CDC42BPA: variants seen among roughly 807,000 people sequenced by gnomAD.
The protein encoded by CDC42BPA is serine/threonine-protein kinase MRCK alpha.
CDC42BPA carries 80 observed loss-of-function variants against 223.5 expected under a neutral mutation model. That is an observed-to-expected ratio of 0.36 (90% confidence interval 0.30 to 0.43). The LOEUF is 0.43. CDC42BPA is among the 20% of genes least tolerant of loss of function. The pLI is 1.00. For missense variants in CDC42BPA, 1,743 were observed against 2,099.9 expected, an observed-to-expected ratio of 0.83 and a Z score of 3.32; for synonymous variants, 694 against 718.6, an observed-to-expected ratio of 0.97 and a Z score of 0.55.
At chr1:227,159,522 G>A (rs1264719549) in intron 6 of CDC42BPA, among the ~76,000 whole-genome samples, 1 of 151,810 alleles carries the variant, frequency 6.6e-6, no homozygotes, top group Non-Finnish European at 1.5e-5. Flanking sequence ...AAAATTACTG[G>A]TCTAGAGTAA....
intron 1 of CDC42BPA, among the ~76,000 whole-genome samples, chr1:227,308,528 A>AAAAC (rs1553445052): frequency 6.8e-6 from 1 of 146,226 alleles, no homozygotes; most frequent in Non-Finnish European, 1.5e-5. Context: ...AAAAAAAAAA[A>AAAAC]CAGAATGGGA....
intron 8 of CDC42BPA, among the ~76,000 whole-genome samples, chr1:227,144,696 G>T (rs1031546743): frequency 6.6e-6 from 1 of 151,660 alleles, no homozygotes; most frequent in Non-Finnish European, 1.5e-5. Flanking sequence ...TATAGCAGAG[G>T]TCAATATACT....
chr1:226,997,060 G>T lies in CDC42BPA; in HGVS notation c.4976-2080C>A, dbSNP rs1486608124. On this transcript the variant is annotated intron_variant, in intron 35 of 36. Coordinates refer to ENST00000366766, the MANE Select transcript of CDC42BPA (RefSeq NM_001394014.1). The stretch of plus-strand genomic sequence containing the variant: ...TCAGCTCCTCTTTGTACCTCTGGTA[G>T]AATTCGGCTGTGAATCTGCCTGGTC... Among the ~76,000 whole-genome samples, 3 of 152,338 alleles carry T rather than the reference G, an allele frequency of 2.0e-5. No individual in the cohort carries two copies. In the South Asian group the frequency reaches 6.2e-4, roughly 32 times the overall value.
chr1:227,052,500 G>A (rs16846890), intron 21 of CDC42BPA, among the ~76,000 whole-genome samples: 2 of 151,992 alleles, frequency 1.3e-5, no homozygotes, highest in South Asian at 2.1e-4. Context: ...AGAAAAACCA[G>A]CACTTATATT....
At position 226,990,258 on chromosome 1, in the gene CDC42BPA, C is replaced by T. The variant is rs1239398912; in HGVS notation, c.*4010G>A. ...ATAAAAAGACAAGTCATTTTGTTTT[C>T]ATGAGATTTCAAGGTTGATTTGAGT... On this transcript the variant is annotated 3_prime_UTR_variant, in exon 37 of 37. Coordinates refer to ENST00000366766, the MANE Select transcript of CDC42BPA (RefSeq NM_001394014.1). The T allele has an allele frequency of 6.6e-6, 1 of 152,200 alleles. No individual in the cohort carries two copies. The highest frequency in any genetic ancestry group is 1.5e-5 in the Non-Finnish European group (1 of 68,032). The allele number at this position is 152,200 out of a possible 1,614,324, so 9.4% of individuals were successfully genotyped here.
chr1:227,289,202 A>G (rs1689293826), intron 1 of CDC42BPA, among the ~76,000 whole-genome samples: 1 of 152,116 alleles, frequency 6.6e-6, no homozygotes, highest in African/African-American at 2.4e-5. Flanking sequence ...CCTTCTGCTC[A>G]AAACTCTGCA....
chr1:227,301,661 T>C (rs1221001800), intron 1 of CDC42BPA, among the ~76,000 whole-genome samples: 1 of 152,152 alleles, frequency 6.6e-6, no homozygotes, highest in Non-Finnish European at 1.5e-5. Flanking sequence ...CCCAGCCGGA[T>C]TTAGACTTTT....
chr1:227,273,320 G>A (rs1454255028), intron 1 of CDC42BPA, among the ~76,000 whole-genome samples: 1 of 151,184 alleles, frequency 6.6e-6, no homozygotes, highest in Non-Finnish European at 1.5e-5. Flanking sequence ...GGGCATGGTG[G>A]CTCACGCCTC....
chr1:227,029,798 G>A (rs1024135568), intron 29 of CDC42BPA, among the ~76,000 whole-genome samples: 3 of 152,096 alleles, frequency 2.0e-5, no homozygotes, highest in African/African-American at 7.2e-5. Context: ...AGAACAATGT[G>A]AAAATCAAGT....
At chr1:227,217,721 C>G (rs527369952) in intron 2 of CDC42BPA, among the ~76,000 whole-genome samples, 1 of 152,260 alleles carries the variant, frequency 6.6e-6, no homozygotes, top group African/African-American at 2.4e-5. Flanking sequence ...TACTCTCCCC[C>G]TGGTTCACTA....
chr1:227,183,905 A>G (rs7539037), intron 5 of CDC42BPA, among the ~76,000 whole-genome samples: 24,451 of 152,180 alleles, frequency 0.16, 2,473 homozygotes, highest in African/African-American at 0.28. Flanking sequence ...GTGGGTAATA[A>G]TATCTCATTA....
At chr1:227,266,551 A>G (rs2148421157) in intron 1 of CDC42BPA, among the ~76,000 whole-genome samples, 1 of 152,314 alleles carries the variant, frequency 6.6e-6, no homozygotes, top group Non-Finnish European at 1.5e-5. Flanking sequence ...AAAAAATATT[A>G]AGCATGAAGT....
chr1:227,083,178 A>G (rs1681070297), intron 16 of CDC42BPA, among the ~76,000 whole-genome samples: 2 of 152,106 alleles, frequency 1.3e-5, no homozygotes, highest in South Asian at 2.1e-4. Context: ...TGGGAAACCA[A>G]TTATTTGTAT....
chr1:227,011,622 T>G (rs1460951657), intron 34 of CDC42BPA, among the ~76,000 whole-genome samples: 1 of 152,214 alleles, frequency 6.6e-6, no homozygotes, highest in Non-Finnish European at 1.5e-5. Context: ...CAAGCTTATC[T>G]CCATTTAGAC....
intron 5 of CDC42BPA, among the ~76,000 whole-genome samples, chr1:227,178,789 C>G (rs1234134567): frequency 6.6e-6 from 1 of 152,202 alleles, no homozygotes; most frequent in Non-Finnish European, 1.5e-5. Context: ...GCCACCAGGC[C>G]TGGCCAGATA....
chr1:227,292,273 G>A (rs1461702176), intron 1 of CDC42BPA, among the ~76,000 whole-genome samples: 1 of 151,848 alleles, frequency 6.6e-6, no homozygotes, highest in African/African-American at 2.4e-5. Context: ...GAGCCACCAA[G>A]CCCAGCCAAT....
At chr1:227,014,869 A>G (rs1416925649) in intron 34 of CDC42BPA, among the ~76,000 whole-genome samples, 1 of 152,224 alleles carries the variant, frequency 6.6e-6, no homozygotes, top group Non-Finnish European at 1.5e-5. Flanking sequence ...AAATGTACAG[A>G]GCCTGGCTAA....
At chr1:227,197,956 A>T (rs1671020784) in intron 4 of CDC42BPA, among the ~76,000 whole-genome samples, 1 of 152,158 alleles carries the variant, frequency 6.6e-6, no homozygotes, top group Non-Finnish European at 1.5e-5. Context: ...CATTCTATTC[A>T]ATTTAACAAC....
chr1:227,120,032 T>G, intron 11 of CDC42BPA, 95 bp from the exon 12 acceptor site: 5 of 929,814 alleles, frequency 5.4e-6, no homozygotes, highest in Non-Finnish European at 6.3e-6. Context: ...AAAATTGGTA[T>G]TTTCAATTTA....
Sources: allele counts gnomAD v4.1 joint callset (sites outside exome capture counted in the v4.1 genomes callset), GRCh38; gene constraint gnomAD v4.1.1; transcripts MANE v1.5; gene names NCBI Gene and HGNC (gene_info 2026-07-23, HGNC 2026-07-21).